DGKH: variants seen among roughly 807,000 people sequenced by gnomAD.
DGKH encodes DAG kinase eta.
In DGKH, 90 loss-of-function variants were observed where a neutral mutation model predicts 159.3. The observed-to-expected ratio is 0.57, with a 90% CI of 0.48 to 0.67. The LOEUF (loss-of-function observed/expected upper bound fraction) is 0.67, where lower values mean the gene tolerates loss of function less well. DGKH is among the 30% of genes least tolerant of loss of function. DGKH has a pLI of 0.00. For synonymous variants in DGKH, 536 were observed against 553.8 expected (o/e 0.97, Z 0.45); for missense variants, 1,181 against 1,506.1 (o/e 0.78, Z 3.57).
intron 1 of DGKH, among the ~76,000 whole-genome samples, chr13:42,060,502 A>G (rs1882076268): frequency 6.6e-6 from 1 of 152,174 alleles, no homozygotes; most frequent in Admixed American, 6.5e-5. Context: ...CAGTCTACTC[A>G]TTCCCGGCCA....
In DGKH at chr13:42,041,250, A is replaced by G. The variant is rs533991095; in HGVS notation, c.-13+1124A>G. ...CCGTGGAATGTAGGCGGGGGAGAGG[A>G]GAAGCCAGGCTGCGCGGTCAGCGTG... On this transcript the variant is annotated intron_variant, in intron 1 of 29. Coordinates refer to the DGKH transcript ENST00000379274. Among the ~76,000 whole-genome samples, 347 of 152,174 alleles carry G rather than the reference A, an allele frequency of 2.3e-3. 1 individual carries two copies. The highest frequency in any genetic ancestry group is 8.0e-3 in the African/African-American group (332 of 41,538).
At chr13:42,134,164 G>C (rs1378485854) in intron 3 of DGKH, among the ~76,000 whole-genome samples, 1 of 152,206 alleles carries the variant, frequency 6.6e-6, no homozygotes, top group Non-Finnish European at 1.5e-5. Flanking sequence ...TGGTAAAATG[G>C]GTTCTAGAGA....
intron 16 of DGKH, among the ~76,000 whole-genome samples, chr13:42,194,618 A>G (rs1957159338): frequency 2.0e-5 from 3 of 152,210 alleles, no homozygotes; most frequent in Admixed American, 2.0e-4. Context: ...TTAAGTGTGC[A>G]TTGATCATAT....
intron 7 of DGKH, among the ~76,000 whole-genome samples, chr13:42,165,080 A>G (rs1956278796): frequency 6.6e-6 from 1 of 151,960 alleles, no homozygotes; most frequent in African/African-American, 2.4e-5. Context: ...CGCCTTCAAC[A>G]GTTATTCATT....
chr13:42,103,554 TTCCAGGTGTCACA>T (rs1954691125), intron 1 of DGKH, among the ~76,000 whole-genome samples: 1 of 152,174 alleles, frequency 6.6e-6, no homozygotes, highest in Non-Finnish European at 1.5e-5. Context: ...CCTGAATCAA[TTCCAGGTGTCACA>T]TCCAGGCAGC....
chr13:42,074,575 CTATAA>C (rs1438389072), intron 1 of DGKH, among the ~76,000 whole-genome samples: 1 of 152,142 alleles, frequency 6.6e-6, no homozygotes, highest in African/African-American at 2.4e-5. Context: ...GGCATACAGG[CTATAA>C]CTTACCTGTT....
chr13:42,166,826 T>C (rs779126507), intron 9 of DGKH, 152 bp downstream of exon 9: 84 of 636,800 alleles, frequency 1.3e-4, no homozygotes, highest in Non-Finnish European at 1.8e-4. Context: ...ACCTTTTGGA[T>C]AGTTATACAA....
intron 28 of DGKH, 46 bp from the exon 29 acceptor site, chr13:42,221,218 A>G (rs1413967407): frequency 1.9e-6 from 3 of 1,608,942 alleles, no homozygotes; most frequent in Non-Finnish European, 2.5e-6. Context: ...TTTGTAATGC[A>G]TTGAGCATGT....
Position 42,174,485 on chromosome 13 carries a change from C to A in DGKH, c.1452+341C>A, listed in dbSNP as rs937190650. On this transcript the variant is annotated intron_variant, in intron 12 of 29. Transcript: ENST00000337343. ...TATCTCTTCTCCTGCCCAGATAATT[C>A]CTCCCTGCATGTTCTATCTGCCTGT... Among the ~76,000 whole-genome samples the A allele has an allele frequency of 2.0e-5, 3 of 152,262 alleles. No homozygotes were observed. The South Asian group carries it at 6.2e-4, about 32-fold the overall frequency.
intron 13 of DGKH, among the ~76,000 whole-genome samples, chr13:42,185,654 G>A (rs1214620529): frequency 1.3e-5 from 2 of 152,048 alleles, no homozygotes; most frequent in East Asian, 1.9e-4. Context: ...TTAAAGTAGC[G>A]CATTTTACAG....
At chr13:42,167,254 G>A (rs994044608) in intron 9 of DGKH, among the ~76,000 whole-genome samples, 1 of 152,100 alleles carries the variant, frequency 6.6e-6, no homozygotes, top group African/African-American at 2.4e-5. Context: ...CATTTTTAGG[G>A]TATGCATATG....
At chr13:42,254,357 G>A (rs775591359) in intron 30 of DGKH, among the ~76,000 whole-genome samples, 1 of 152,200 alleles carries the variant, frequency 6.6e-6, no homozygotes, top group Non-Finnish European at 1.5e-5. Flanking sequence ...GCCAGGTGTG[G>A]TGGCTCATGC....
intron 1 of DGKH, among the ~76,000 whole-genome samples, chr13:42,053,919 C>G (rs1204524716): frequency 6.6e-6 from 1 of 152,062 alleles, no homozygotes; most frequent in African/African-American, 2.4e-5. Context: ...CACGCCTGGC[C>G]AAAAACATGT....
intron 26 of DGKH, among the ~76,000 whole-genome samples, chr13:42,218,502 C>CTTTTT (rs56173082): frequency 3.4e-5 from 3 of 88,298 alleles, no homozygotes; most frequent in Non-Finnish European, 4.5e-5. Context: ...CATGTGGTGA[C>CTTTTT]TTTTTTTTTT....
At position 42,137,559 on chromosome 13, in the gene DGKH, A is replaced by G. The variant is rs559239512; in HGVS notation, c.384+7927A>G. Among the ~76,000 whole-genome samples, 136 of 152,280 alleles carry G rather than the reference A, an allele frequency of 8.9e-4. 1 individual carries two copies. The highest frequency in any genetic ancestry group is 3.1e-3 in the African/African-American group (128 of 41,554). On this transcript the variant is annotated intron_variant, in intron 3 of 29. Coordinates refer to ENST00000337343, the MANE Select transcript of DGKH (RefSeq NM_178009.5). Reference sequence around the variant, plus strand: ...TTGCTATGCTGCGTCTTTATTGTGGAGTTTTAAATAAATGTGGTTTAGGTA... The same window carrying G: ...TTGCTATGCTGCGTCTTTATTGTGGGGTTTTAAATAAATGTGGTTTAGGTA...
intron 26 of DGKH, among the ~76,000 whole-genome samples, 160 bp from the exon 27 acceptor site, chr13:42,219,070 A>G (rs1016697445): frequency 6.6e-6 from 1 of 152,250 alleles, no homozygotes; most frequent in African/African-American, 2.4e-5. Flanking sequence ...AAATGAAATC[A>G]ATATAAAAGA....
chr13:42,229,013 C>G, intron 29 of DGKH, 86 bp from the exon 30 acceptor site: 2 of 1,161,128 alleles, frequency 1.7e-6, no homozygotes, highest in Non-Finnish European at 2.4e-6. Context: ...AAACTTTTTT[C>G]CTTTTCTTTC....
chr13:42,179,461 A>G (rs935973215), intron 13 of DGKH, among the ~76,000 whole-genome samples: 1 of 152,214 alleles, frequency 6.6e-6, no homozygotes, highest in Non-Finnish European at 1.5e-5. Flanking sequence ...TAGTATTTTA[A>G]TATTGGAATT....
chr13:42,224,920 A>C (rs1958082796), intron 29 of DGKH, among the ~76,000 whole-genome samples: 1 of 151,824 alleles, frequency 6.6e-6, no homozygotes, highest in Non-Finnish European at 1.5e-5. Flanking sequence ...ATATATATAC[A>C]TATATTTGTT....
Sources: allele counts gnomAD v4.1 joint callset (sites outside exome capture counted in the v4.1 genomes callset), GRCh38; gene constraint gnomAD v4.1.1; transcripts MANE v1.5; gene names NCBI Gene and HGNC (gene_info 2026-07-23, HGNC 2026-07-21).